Variants in ESR1 observed in about 807,000 individuals in gnomAD.
The protein encoded by ESR1 is estrogen receptor.
A neutral mutation model predicts 52.7 loss-of-function variants in ESR1; 12 were observed. The ratio of observed to expected loss-of-function variants is 0.23; its 90% CI spans 0.15 to 0.37. ESR1 has a LOEUF of 0.37. ESR1 is among the 10% of genes least tolerant of loss of function. The pLI, the probability that ESR1 is intolerant of heterozygous loss-of-function variation, is 1.00. For missense variants in ESR1, 584 were observed against 779.7 expected, an observed-to-expected ratio of 0.75 and a Z score of 2.99; for synonymous variants, 305 against 316.8, an observed-to-expected ratio of 0.96 and a Z score of 0.39.
In ESR1 at chr6:151,890,526, T is replaced by G. The variant is rs556831542; in HGVS notation, c.760+9755T>G. ...TCTGTGCTAAAGTATAGTTTAAGTT[T>G]GAACTTTCATTATTGATTTTCTGTC... On this transcript the variant is annotated intron_variant, in intron 3 of 7. Coordinates refer to ENST00000206249, the MANE Select transcript of ESR1 (RefSeq NM_000125.4). Among the ~76,000 whole-genome samples the G allele has an allele frequency of 2.6e-5, 4 of 152,360 alleles. No homozygotes were observed. The South Asian group carries it at 8.3e-4, about 32-fold the overall frequency.
chr6:152,019,252 A>G (rs893047397), intron 5 of ESR1, among the ~76,000 whole-genome samples: 1 of 152,190 alleles, frequency 6.6e-6, no homozygotes, highest in Non-Finnish European at 1.5e-5. Context: ...CCTGAACTAT[A>G]TCTCAAAAAA....
chr6:151,933,829 A>G (rs1177723255), intron 3 of ESR1, among the ~76,000 whole-genome samples: 1 of 152,204 alleles, frequency 6.6e-6, no homozygotes, highest in Admixed American at 6.5e-5. Flanking sequence ...TTCAAAATAA[A>G]TTAAACTCAG....
chr6:152,022,087 C>T (rs1018116618), intron 5 of ESR1, among the ~76,000 whole-genome samples: 1 of 152,164 alleles, frequency 6.6e-6, no homozygotes, highest in Non-Finnish European at 1.5e-5. Flanking sequence ...TAGGTTTCTA[C>T]TTCGGACCCC....
At chr6:151,907,718 G>A (rs1255710466) in intron 3 of ESR1, among the ~76,000 whole-genome samples, 1 of 152,016 alleles carries the variant, frequency 6.6e-6, no homozygotes, top group East Asian at 1.9e-4. Context: ...AGCTTTTCTT[G>A]CTAAATCCTT....
At chr6:151,864,017 T>C (rs1344541681) in intron 2 of ESR1, among the ~76,000 whole-genome samples, 1 of 152,140 alleles carries the variant, frequency 6.6e-6, no homozygotes, top group Admixed American at 6.6e-5. Context: ...ACTTCATGTC[T>C]AAAACACCAA....
intron 5 of ESR1, among the ~76,000 whole-genome samples, chr6:152,046,342 T>A (rs900051161): frequency 9.9e-5 from 15 of 152,254 alleles, no homozygotes; most frequent in African/African-American, 3.1e-4. Flanking sequence ...CAGCGCCTGT[T>A]ACTAGTTACA....
At chr6:151,961,230 GGACAGTCAGAAA>G (rs1053200532) in intron 4 of ESR1, among the ~76,000 whole-genome samples, 1 of 152,046 alleles carries the variant, frequency 6.6e-6, no homozygotes, top group African/African-American at 2.4e-5. Context: ...TTGAGCCTTG[GGACAGTCAGAAA>G]GAAGAGAGGG....
At chr6:151,839,646 A>G (rs970401735) in intron 1 of ESR1, among the ~76,000 whole-genome samples, 11 of 152,236 alleles carry the variant, frequency 7.2e-5, no homozygotes, top group African/African-American at 2.7e-4. Context: ...TATACAGACA[A>G]TGGCATATTA....
intron 1 of ESR1, among the ~76,000 whole-genome samples, chr6:151,658,768 A>G (rs913993335): frequency 4.6e-5 from 7 of 152,174 alleles, no homozygotes; most frequent in Admixed American, 2.0e-4. Flanking sequence ...TAATCCCTCC[A>G]CACACCTGAG....
rs9340979 is a variant in ESR1 at position 152,012,822 on chromosome 6, C to T, written c.1235+1028C>T. Among the ~76,000 whole-genome samples, 92 of 152,210 alleles carry T rather than the reference C, an allele frequency of 6.0e-4. 1 individual carries two copies. Among genetic ancestry groups the T allele is most frequent in the Admixed American group, 5.2e-3 (79 of 15,280 alleles). On this transcript the variant is annotated intron_variant, in intron 5 of 7. Transcript: ENST00000206249. ...CTATTTTGCCTCCGTGCCAAGCAGT[C>T]TAAGGCTGCCAGGCTGCCCACAGTG...
At chr6:151,945,855 G>A (rs1050923473) in intron 4 of ESR1, among the ~76,000 whole-genome samples, 4 of 152,130 alleles carry the variant, frequency 2.6e-5, no homozygotes, top group East Asian at 1.9e-4. Context: ...CATGTGGGCC[G>A]TAGAATAAGG....
intron 1 of ESR1, among the ~76,000 whole-genome samples, chr6:151,840,672 A>G (rs550190321): frequency 2.4e-4 from 36 of 152,296 alleles, no homozygotes; most frequent in Non-Finnish European, 3.2e-4. Flanking sequence ...TGGTTCGGGT[A>G]TTTGGGTGGG....
rs200282497 is a variant in ESR1, at chr6:151,944,239, G to C, written c.827G>C (p.Gly276Ala). ...AAGCGCCAGAGAGATGATGGGGAGG[G>C]CAGGGGTGAAGTGGGGTCTGCTGGA... ...KHKRQRDDGE[G>A]RGEVGSAGDM... Residue 276 changes from glycine to alanine, a missense_variant, in exon 4 of 8, where the codon GGC (glycine) becomes GCC (alanine). By Grantham distance (60) the Gly-to-Ala change is moderately conservative. Transcript: ENST00000206249. 4.1e-5 allele frequency: 66 copies of C among 1,613,986 alleles called. No homozygotes were observed. Among genetic ancestry groups the C allele is most frequent in the Non-Finnish European group, 5.4e-5 (64 of 1,179,988 alleles).
chr6:151,990,360 T>TA (rs1284685065), intron 4 of ESR1, among the ~76,000 whole-genome samples: 1 of 152,030 alleles, frequency 6.6e-6, no homozygotes, highest in East Asian at 1.9e-4. Flanking sequence ...ACACAGTATG[T>TA]AAAAAATTAT....
chr6:151,678,660 C>A (rs1167958220), intron 1 of ESR1, among the ~76,000 whole-genome samples: 1 of 151,544 alleles, frequency 6.6e-6, no homozygotes, highest in Non-Finnish European at 1.5e-5. Context: ...GGATCAGACA[C>A]CTGTCTGGGC....
chr6:151,798,813 C>T (rs1475240098), intron 2 of ESR1, among the ~76,000 whole-genome samples: 1 of 152,098 alleles, frequency 6.6e-6, no homozygotes, highest in Non-Finnish European at 1.5e-5. Flanking sequence ...TTTTCTTTAG[C>T]TAGAATGTTC....
At chr6:151,706,353 G>C (rs1038439057) in intron 2 of ESR1, among the ~76,000 whole-genome samples, 1 of 152,230 alleles carries the variant, frequency 6.6e-6, no homozygotes, top group African/African-American at 2.4e-5. Flanking sequence ...CAACAGGAGA[G>C]ATTGACTAGT....
intron 5 of ESR1, among the ~76,000 whole-genome samples, chr6:152,058,212 TA>T (rs11285053): frequency 0.22 from 33,380 of 150,878 alleles, 5,338 homozygotes; most frequent in African/African-American, 0.44. Context: ...ATGAACTGCT[TA>T]AAAAAAAAAT....
At chr6:152,001,007 G>C (rs2041902009) in intron 4 of ESR1, among the ~76,000 whole-genome samples, 1 of 151,964 alleles carries the variant, frequency 6.6e-6, no homozygotes, top group African/African-American at 2.4e-5. Flanking sequence ...AGTTCCTGTT[G>C]TAATCCTTAG....
Sources: gnomAD v4.1 joint callset for allele counts (sites outside exome capture counted in the v4.1 genomes callset) on GRCh38, gnomAD v4.1.1 for gene constraint, MANE v1.5 for transcripts, NCBI Gene and HGNC (gene_info 2026-07-23, HGNC 2026-07-21) for gene names.